NLRC5: variants seen among roughly 807,000 people sequenced by gnomAD.
NLRC5 encodes the protein protein NLRC5.
NLRC5 carries 114 observed loss-of-function variants against 206.9 expected under a neutral mutation model. That is an observed-to-expected ratio of 0.55 (90% CI 0.47 to 0.64). NLRC5 has a LOEUF of 0.64. NLRC5 is among the 30% of genes least tolerant of loss of function. The pLI is 0.00. For missense variants in NLRC5, 2,008 were observed against 2,305.5 expected, an observed-to-expected ratio of 0.87 and a Z score of 2.64; for synonymous variants, 952 against 962.8, an observed-to-expected ratio of 0.99 and a Z score of 0.21.
intron 20 of NLRC5, chr16:57,043,872 A>G (rs1215880684): frequency 3.9e-6 from 2 of 511,366 alleles, no homozygotes; most frequent in Non-Finnish European, 6.9e-6. Context: ...TTCTTTGGAT[A>G]GTCCTTAGAG....
rs2144422712 is a variant in NLRC5 at position 57,055,272 on chromosome 16, T to C, written c.3660-161T>C. ...AAACACAGGTCCGGGTGGGATCTACTGTGGGGGTGGGAGCAGTGGATTCTG... is the reference window on the plus strand; with the variant it reads ...AAACACAGGTCCGGGTGGGATCTACCGTGGGGGTGGGAGCAGTGGATTCTG... On this transcript the variant is annotated intron_variant, in intron 26 of 48. Coordinates refer to ENST00000688547, the MANE Select transcript of NLRC5 (RefSeq NM_001384950.1). 1.3e-5 allele frequency among the ~76,000 whole-genome samples: 2 copies of C among 152,274 alleles called. 1 individual carries two copies. Among genetic ancestry groups the C allele is most frequent in the Middle Eastern group, 6.8e-3 (2 of 294 alleles).
At chr16:57,021,530 T>C (rs944899668) in intron 3 of NLRC5, among the ~76,000 whole-genome samples, 2 of 152,074 alleles carry the variant, frequency 1.3e-5, no homozygotes, top group African/African-American at 4.8e-5. Flanking sequence ...GCCACCACAT[T>C]AGGCTAATTT....
intron 4 of NLRC5, among the ~76,000 whole-genome samples, chr16:57,023,294 A>G (rs2060878951): frequency 6.6e-6 from 1 of 152,212 alleles, no homozygotes; most frequent in Admixed American, 6.5e-5. Context: ...AAATCCATAC[A>G]ATGAGACAAG....
intron 46 of NLRC5, 54 bp downstream of exon 46, chr16:57,079,683 G>A: frequency 1.3e-6 from 2 of 1,509,984 alleles, no homozygotes; most frequent in Admixed American, 3.3e-5. Flanking sequence ...GTCGGGAGGG[G>A]TCGGGGGAGT....
rs114997214 is a variant in NLRC5, at chr16:57,041,766, G to A, written c.3029+192G>A. Among the ~76,000 whole-genome samples, 1,121 of 152,166 alleles carry A rather than the reference G, an allele frequency of 7.4e-3. 14 individuals are homozygous for A. Among genetic ancestry groups the A allele is most frequent in the African/African-American group, 0.026 (1,070 of 41,506 alleles). On this transcript the variant is annotated intron_variant, in intron 18 of 48. Transcript: ENST00000688547. ...CAGATCCCCCATGTCTGACACGCTC[G>A]GAGGCTCACCCCTGGTCCCTCAGAG... is the stretch of plus-strand genomic sequence containing the variant.
chr16:57,011,820 T>C (rs1394397128), intron 1 of NLRC5, among the ~76,000 whole-genome samples: 1 of 152,086 alleles, frequency 6.6e-6, no homozygotes, highest in African/African-American at 2.4e-5. Flanking sequence ...ATTTTTACTA[T>C]ACAGAAAAAA....
At chr16:57,023,915 C>T (rs2060965959) in intron 5 of NLRC5, 62 bp downstream of exon 5, 13 of 1,465,816 alleles carry the variant, frequency 8.9e-6, no homozygotes, top group South Asian at 7.2e-5. Flanking sequence ...GGCCAAGACC[C>T]GGACCCTGGA....
intron 1 of NLRC5, among the ~76,000 whole-genome samples, chr16:57,003,277 G>A (rs751025973): frequency 2.6e-5 from 4 of 151,774 alleles, no homozygotes; most frequent in Middle Eastern, 3.4e-3. Flanking sequence ...CTCAAACTCC[G>A]GACCTCAGGT....
rs2069089118 is a variant in NLRC5 at position 57,081,138 on chromosome 16, C to G, written c.5362C>G (p.Leu1788Val). 2.6e-6 allele frequency: 4 copies of G among 1,546,408 alleles called. No homozygotes were observed. The highest frequency in any genetic ancestry group is 3.5e-6 in the Non-Finnish European group (4 of 1,147,872). ...CCTCGGGGATGAGGCAGCTGCCGAG[C>G]TGGCCCAGGTGCTGCCGCAGATGGG... ...NLLGDEAAAE[L>V]AQVLPQMGRL... Residue 1788 changes from leucine to valine, a missense_variant, in exon 47 of 49, where the codon CTG becomes GTG. Physicochemically the swap from Leu to Val is conservative, Grantham distance 32 (BLOSUM62 1). Transcript: ENST00000688547.
At position 57,040,768 on chromosome 16, in the gene NLRC5, C is replaced by T. The variant is rs368639963; in HGVS notation, c.2939+50C>T. On this transcript the variant is annotated intron_variant, in intron 17 of 48. Transcript: ENST00000688547. ...TGTGTGATTCCAGCCCCCTCCCTTC[C>T]CCTGCTCAGAGCCTGCTCCCAAACC... is the stretch of plus-strand genomic sequence containing the variant. 16 of 1,565,028 alleles carry T rather than the reference C, an allele frequency of 1.0e-5. No individual in the cohort carries two copies. The African/African-American group carries it at 1.5e-4, about 15-fold the overall frequency.
At chr16:57,041,391 C>T (rs1367166852) in intron 17 of NLRC5, 94 bp from the exon 18 acceptor site, 2 of 1,031,462 alleles carry the variant, frequency 1.9e-6, no homozygotes, top group Non-Finnish European at 2.9e-6. Context: ...CTGCAAGCCT[C>T]ATTCTCTGCC....
In NLRC5 at chr16:57,026,629, C is replaced by T; in HGVS notation, c.1686C>T (p.Pro562=). The change falls in exon 6 of 49, where the codon CCC becomes CCT. Residue 562 remains proline, a synonymous_variant. Coordinates refer to ENST00000688547, the MANE Select transcript of NLRC5 (RefSeq NM_001384950.1). The part of the protein sequence containing the change: ...KARLGLSDHL[P]TFLAGLASCT... The stretch of plus-strand genomic sequence containing the variant: ...GACTGGGCCTCTCAGACCACCTCCC[C>T]ACCTTCCTGGCGGGCCTGGCATCCT... The T allele has an allele frequency of 6.2e-7, 1 of 1,614,228 alleles. No individual in the cohort carries two copies. The highest frequency in any genetic ancestry group is 8.5e-7 in the Non-Finnish European group (1 of 1,180,038).
Position 57,042,017 on chromosome 16 carries a change from C to T in NLRC5, c.3065C>T (p.Ala1022Val). The T allele has an allele frequency of 2.5e-6, 4 of 1,577,264 alleles. No homozygotes were observed. Among genetic ancestry groups the T allele is most frequent in the Non-Finnish European group, 3.4e-6 (4 of 1,165,286 alleles). ...SGNALGDEGA[A>V]RLAQLLPGLG... Reference sequence around the variant, plus strand: ...AATGCTCTGGGGGATGAAGGTGCAGCCCGGCTGGCTCAGCTGCTCCCAGGG... The same window carrying T: ...AATGCTCTGGGGGATGAAGGTGCAGTCCGGCTGGCTCAGCTGCTCCCAGGG... The change falls in exon 19 of 49, where the codon GCC (alanine) becomes GTC (valine). Residue 1022 changes from alanine (A) to valine (V), a missense_variant. By Grantham distance (64) the Ala-to-Val change is moderately conservative (BLOSUM62 0). Coordinates refer to ENST00000688547, the MANE Select transcript of NLRC5 (RefSeq NM_001384950.1).
intron 1 of NLRC5, among the ~76,000 whole-genome samples, chr16:56,993,418 G>A (rs2057206540): frequency 6.6e-6 from 1 of 152,070 alleles, no homozygotes; most frequent in Admixed American, 6.5e-5. Context: ...TATTTCAACA[G>A]TGCTGTAATG....
At chr16:57,068,485 C>T (rs2067298885) in intron 36 of NLRC5, among the ~76,000 whole-genome samples, 1 of 151,258 alleles carries the variant, frequency 6.6e-6, no homozygotes, top group Non-Finnish European at 1.5e-5. Flanking sequence ...TCCACATTTG[C>T]TCATTTCTTC....
rs915295116 is a variant in NLRC5 at position 57,081,232 on chromosome 16, C to T, written c.5405+51C>T. ...GACGGGCTAAAGGGGGACCTACATC[C>T]CGGGAACACCAAGAGGCCACTGGGT... is the stretch of plus-strand genomic sequence containing the variant. On this transcript the variant is annotated intron_variant, in intron 47 of 48. Coordinates refer to ENST00000688547, the MANE Select transcript of NLRC5 (RefSeq NM_001384950.1). The T allele has an allele frequency of 4.7e-6, 7 of 1,503,648 alleles. No homozygotes were observed. The East Asian group carries it at 1.2e-4, about 26-fold the overall frequency. The allele number at this position is 1,503,648 out of a possible 1,614,324, so 93.1% of individuals were successfully genotyped here.
intron 1 of NLRC5, among the ~76,000 whole-genome samples, chr16:57,004,892 C>G (rs1378968590): frequency 6.6e-6 from 1 of 152,142 alleles, no homozygotes; most frequent in Non-Finnish European, 1.5e-5. Flanking sequence ...AGACTCAGAG[C>G]CCCCATAAAT....
chr16:57,038,939 TAAA>T (rs574142317), intron 15 of NLRC5, among the ~76,000 whole-genome samples: 53 of 108,262 alleles, frequency 4.9e-4, no homozygotes, highest in Middle Eastern at 5.0e-3. Context: ...TGTCTCAAAT[TAAA>T]AAAAAAAAAA....
At chr16:57,076,472 A>C (rs973882141) in intron 39 of NLRC5, among the ~76,000 whole-genome samples, 4 of 152,400 alleles carry the variant, frequency 2.6e-5, no homozygotes, top group Admixed American at 2.0e-4. Context: ...CAGCCGGGCC[A>C]GCCCGGAGAT....
Sources: gnomAD v4.1 joint callset for allele counts (sites outside exome capture counted in the v4.1 genomes callset) on GRCh38, gnomAD v4.1.1 for gene constraint, MANE v1.5 for transcripts, NCBI Gene and HGNC (gene_info 2026-07-23, HGNC 2026-07-21) for gene names.